The following LY96 variants were observed in gnomAD, a reference collection of about 807,000 sequenced individuals.
LY96 encodes lymphocyte antigen 96, also known as myeloid differentiation protein-2.
A neutral mutation model predicts 18.9 loss-of-function variants in LY96; 18 were observed. The ratio of observed to expected loss-of-function variants is 0.95; its 90% CI spans 0.66 to 1.41. The LOEUF (loss-of-function observed/expected upper bound fraction) is 1.41, where lower values mean the gene tolerates loss of function less well. LY96 is among the 40% of genes most tolerant of loss of function. The probability of loss-of-function intolerance (pLI) is 0.00; values close to 1 mark genes in which losing one functional copy is unlikely to be tolerated. For missense variants in LY96, 175 were observed against 182.4 expected (o/e 0.96, Z 0.23); for synonymous variants, 66 against 62.6 (o/e 1.06, Z -0.26).
At chr8:74,078,210 A>C in the LY96 span, among the ~76,000 whole-genome samples, 12 of 152,158 alleles carry the variant, frequency 7.9e-5, no homozygotes, top group African/African-American at 2.9e-4. Flanking sequence ...GAGTAAACTC[A>C]ATTTTGAGTA....
At chr8:74,022,173 C>T (rs1007783177) in intron 3 of LY96, among the ~76,000 whole-genome samples, 10 of 152,032 alleles carry the variant, frequency 6.6e-5, no homozygotes, top group Non-Finnish European at 1.3e-4. Flanking sequence ...TTTGGGAGGC[C>T]GAGGCGGGCA....
At chr8:74,055,877 A>T in the LY96 span, 1 of 152,366 alleles carries the variant, frequency 6.6e-6, no homozygotes. Context: ...CTCTCTGAGC[A>T]GCATGATGGT....
intron 3 of LY96, among the ~76,000 whole-genome samples, chr8:74,015,938 C>G (rs574688017): frequency 6.1e-4 from 93 of 152,306 alleles, no homozygotes; most frequent in African/African-American, 1.9e-3. Flanking sequence ...CAGCTCCCAG[C>G]GTGATCGACA....
At chr8:74,090,570 A>T in the LY96 span, among the ~76,000 whole-genome samples, 1 of 152,248 alleles carries the variant, frequency 6.6e-6, no homozygotes, top group African/African-American at 2.4e-5. Context: ...AATAAATTAC[A>T]TGTCTCAACC....
the LY96 span, among the ~76,000 whole-genome samples, chr8:74,067,607 C>A: frequency 6.6e-6 from 1 of 151,942 alleles, no homozygotes; most frequent in African/African-American, 2.4e-5. Flanking sequence ...CTAGAGAGGA[C>A]CACCCCAATT....
the LY96 span, among the ~76,000 whole-genome samples, chr8:74,049,763 C>G: frequency 6.6e-6 from 1 of 152,210 alleles, no homozygotes; most frequent in East Asian, 1.9e-4. Flanking sequence ...TAGAATCTAG[C>G]AGGATGGTAT....
chr8:74,022,735 C>T (rs979622247), intron 3 of LY96, among the ~76,000 whole-genome samples: 9 of 152,010 alleles, frequency 5.9e-5, no homozygotes, highest in Non-Finnish European at 1.2e-4. Flanking sequence ...CATGCCACCA[C>T]GCCCAACAAC....
the LY96 span, among the ~76,000 whole-genome samples, chr8:74,087,619 G>T: frequency 6.6e-6 from 1 of 152,182 alleles, no homozygotes; most frequent in Non-Finnish European, 1.5e-5. Flanking sequence ...CCTCAAACAT[G>T]TCACCACTTT....
At chr8:74,034,980 T>C in the LY96 span, among the ~76,000 whole-genome samples, 1 of 152,192 alleles carries the variant, frequency 6.6e-6, no homozygotes, top group African/African-American at 2.4e-5. Context: ...GGAAGATAAT[T>C]ACTGACAGGA....
At chr8:74,038,669 G>A in the LY96 span, among the ~76,000 whole-genome samples, 1 of 152,198 alleles carries the variant, frequency 6.6e-6, no homozygotes, top group South Asian at 2.1e-4. Flanking sequence ...TGGGATTATA[G>A]GCATGAGCCA....
At chr8:74,010,378 G>A (rs1348329497) in intron 3 of LY96, among the ~76,000 whole-genome samples, 1 of 151,746 alleles carries the variant, frequency 6.6e-6, no homozygotes, top group African/African-American at 2.4e-5. Context: ...ACAGTCCTTG[G>A]TTTCTTTAGT....
intron 3 of LY96, among the ~76,000 whole-genome samples, chr8:74,014,484 GTTTTTT>G (rs59403354): frequency 7.6e-6 from 1 of 131,400 alleles, no homozygotes; most frequent in Admixed American, 7.8e-5. Flanking sequence ...GAACAGGCAG[GTTTTTT>G]TTTTTTTTTT....
At chr8:74,075,391 T>C in the LY96 span, among the ~76,000 whole-genome samples, 2 of 152,220 alleles carry the variant, frequency 1.3e-5, no homozygotes, top group Non-Finnish European at 2.9e-5. Flanking sequence ...CTGCCTCAGC[T>C]TCTTGAGTAG....
chr8:74,040,213 T>C, the LY96 span, among the ~76,000 whole-genome samples: 29 of 152,266 alleles, frequency 1.9e-4, no homozygotes, highest in Non-Finnish European at 3.1e-4. Flanking sequence ...TAATGATTGA[T>C]AATGTCCATG....
the LY96 span, among the ~76,000 whole-genome samples, chr8:74,053,683 C>T: frequency 6.6e-6 from 1 of 152,230 alleles, no homozygotes; most frequent in Non-Finnish European, 1.5e-5. Context: ...GTAACACAAA[C>T]TCCAACTCAA....
At chr8:74,074,219 C>T in the LY96 span, among the ~76,000 whole-genome samples, 2 of 152,152 alleles carry the variant, frequency 1.3e-5, no homozygotes, top group South Asian at 2.1e-4. Flanking sequence ...AGGCTGGTCT[C>T]GAACTCCTGA....
In LY96 at chr8:74,026,899, G is replaced by A. The variant is rs557042943; in HGVS notation, c.384+58G>A. 4 of 874,648 alleles carry A rather than the reference G, an allele frequency of 4.6e-6. No homozygotes were observed. The East Asian group carries it at 9.8e-5, about 21-fold the overall frequency. 54.2% of individuals were successfully genotyped at this position (874,648 alleles called of 1,614,324 possible). On this transcript the variant is annotated intron_variant, in intron 4 of 4. Transcript: ENST00000284818. ...CCTTTAGCAGTAATAGACATGTTAA[G>A]CATTTGAAACAAGCAATTCACAACT... is the stretch of plus-strand genomic sequence containing the variant.
At chr8:74,004,753 A>C in intron 1 of LY96, 43 bp from the exon 2 acceptor site, 1 of 1,487,016 alleles carries the variant, frequency 6.7e-7, no homozygotes, top group Non-Finnish European at 9.3e-7. Flanking sequence ...CTTAATGGAG[A>C]TGATTTGTAG....
chr8:74,057,507 A>G, the LY96 span, among the ~76,000 whole-genome samples: 1 of 152,242 alleles, frequency 6.6e-6, no homozygotes, highest in Non-Finnish European at 1.5e-5. Context: ...GAAAAAGAAT[A>G]TGCTGACTCC....
Sources: allele counts gnomAD v4.1 joint callset (sites outside exome capture counted in the v4.1 genomes callset), GRCh38; gene constraint gnomAD v4.1.1; transcripts MANE v1.5; gene names NCBI Gene and HGNC (gene_info 2026-07-23, HGNC 2026-07-21).